Variants in SORCS2 observed in about 807,000 individuals in gnomAD.
The protein encoded by SORCS2 is sortilin related VPS10 domain containing receptor 2.
SORCS2 carries 100 observed loss-of-function variants against 141.6 expected under a neutral mutation model. The observed-to-expected ratio is 0.71, with a 90% CI of 0.60 to 0.83. SORCS2 has a LOEUF of 0.83. Ranked by LOEUF, SORCS2 falls within the 40% of genes least tolerant of loss-of-function variation. The pLI, the probability that SORCS2 is intolerant of heterozygous loss-of-function variation, is 0.00. For synonymous variants in SORCS2, 789 were observed against 676.9 expected (o/e 1.17, Z -2.57); for missense variants, 1,646 against 1,560.2 (o/e 1.05, Z -0.93).
At chr4:7,714,745 A>G (rs1490075596) in intron 16 of SORCS2, among the ~76,000 whole-genome samples, 1 of 152,136 alleles carries the variant, frequency 6.6e-6, no homozygotes, top group Non-Finnish European at 1.5e-5. Flanking sequence ...TATTCTCAAA[A>G]GCTGCCTGTG....
intron 2 of SORCS2, chr4:7,433,375 A>T: frequency 6.8e-7 from 1 of 1,470,542 alleles, no homozygotes; most frequent in Non-Finnish European, 9.0e-7. Context: ...GCAGTGTTGC[A>T]CAGCGTTGCA....
chr4:7,723,829 A>G lies in SORCS2; in HGVS notation c.2557A>G (p.Arg853Gly). ...ESPGIYRVSV[R>G]AENTAGHDEA... ...CCCCGGCATCTACCGCGTGTCCGTC[A>G]GGGCAGAGAACACGGCAGGCCACGA... The change falls in exon 19 of 27, where the codon AGG becomes GGG. Residue 853 changes from arginine to glycine, a missense_variant. Coordinates refer to ENST00000507866, the MANE Select transcript of SORCS2 (RefSeq NM_020777.3). The G allele has an allele frequency of 6.2e-7, 1 of 1,613,250 alleles. No individual in the cohort carries two copies. Among genetic ancestry groups the G allele is most frequent in the Non-Finnish European group, 8.5e-7 (1 of 1,179,880 alleles).
intron 2 of SORCS2, among the ~76,000 whole-genome samples, chr4:7,507,512 C>A (rs1272727393): frequency 1.3e-5 from 2 of 152,112 alleles, no homozygotes; most frequent in Admixed American, 6.5e-5. Flanking sequence ...GAATAAGTGT[C>A]TAAGAATAGA....
intron 23 of SORCS2, among the ~76,000 whole-genome samples, chr4:7,731,150 A>G (rs957728181): frequency 6.6e-6 from 1 of 152,242 alleles, no homozygotes; most frequent in Non-Finnish European, 1.5e-5. Context: ...CAAGAAAACA[A>G]TCCCACTAAC....
chr4:7,230,781 T>A (rs900989315), intron 1 of SORCS2, among the ~76,000 whole-genome samples: 19 of 124,962 alleles, frequency 1.5e-4, no homozygotes, highest in Non-Finnish European at 2.6e-4. Flanking sequence ...TCATGTATGA[T>A]GGAGATGAAG....
rs374293494 is a variant in SORCS2 at position 7,704,228 on chromosome 4, C to A, written c.1812C>A (p.Thr604=). The change falls in exon 14 of 27, where the codon ACC becomes ACA. Residue 604 remains threonine, a synonymous_variant. Coordinates refer to ENST00000507866, the MANE Select transcript of SORCS2 (RefSeq NM_020777.3). The part of the protein sequence containing the change: ...LTWSTHNFTS[T]SVFVDGLLSE... The stretch of plus-strand genomic sequence containing the variant: ...GGAGCACGCACAACTTCACCAGCAC[C>A]TCGGTGTTTGTGGACGGGCTGCTGA... 6.2e-7 allele frequency: 1 copy of A among 1,613,272 alleles called. No homozygotes were observed. Among genetic ancestry groups the A allele is most frequent in the Non-Finnish European group, 8.5e-7 (1 of 1,179,704 alleles).
intron 12 of SORCS2, among the ~76,000 whole-genome samples, chr4:7,700,305 C>G (rs1244055852): frequency 6.6e-6 from 1 of 152,228 alleles, no homozygotes; most frequent in African/African-American, 2.4e-5. Flanking sequence ...TGAAACTGGG[C>G]TCGAGGGTAA....
At chr4:7,305,151 C>G (rs1041163393) in intron 1 of SORCS2, among the ~76,000 whole-genome samples, 1 of 152,062 alleles carries the variant, frequency 6.6e-6, no homozygotes, top group Non-Finnish European at 1.5e-5. Flanking sequence ...CCTGCCTCAG[C>G]CTCCCGAGTA....
intron 26 of SORCS2, 55 bp downstream of exon 26, chr4:7,737,227 C>G: frequency 6.5e-7 from 1 of 1,546,618 alleles, no homozygotes; most frequent in Non-Finnish European, 8.7e-7. Context: ...AACGTCCGCC[C>G]CAAACCCACC....
chr4:7,700,487 G>A (rs1461221596), intron 12 of SORCS2, among the ~76,000 whole-genome samples: 3 of 152,172 alleles, frequency 2.0e-5, no homozygotes, highest in African/African-American at 7.2e-5. Flanking sequence ...GGGTCTGTCG[G>A]ATGGGTAGAT....
At chr4:7,426,403 C>T (rs1188469756) in intron 2 of SORCS2, among the ~76,000 whole-genome samples, 2 of 151,346 alleles carry the variant, frequency 1.3e-5, no homozygotes, top group African/African-American at 4.9e-5. Flanking sequence ...GAGGGTGGCC[C>T]CTGGGGGCCC....
At chr4:7,211,911 G>GT (rs942002976) in intron 1 of SORCS2, among the ~76,000 whole-genome samples, 19 of 152,152 alleles carry the variant, frequency 1.2e-4, no homozygotes, top group African/African-American at 4.3e-4. Flanking sequence ...CCATAGAAGT[G>GT]TTTTTTGTAG....
intron 3 of SORCS2, among the ~76,000 whole-genome samples, chr4:7,587,482 A>T (rs573454780): frequency 2.6e-5 from 4 of 152,332 alleles, no homozygotes; most frequent in Admixed American, 1.3e-4. Context: ...TTCTGCCAGG[A>T]GACTGTCATC....
chr4:7,287,996 C>T (rs1010148466), intron 1 of SORCS2, among the ~76,000 whole-genome samples: 9 of 152,188 alleles, frequency 5.9e-5, no homozygotes, highest in South Asian at 2.1e-4. Flanking sequence ...TGGGAGAGCC[C>T]GTTGCTGGCG....
chr4:7,483,212 A>G (rs1429459030), intron 2 of SORCS2, among the ~76,000 whole-genome samples: 1 of 151,450 alleles, frequency 6.6e-6, no homozygotes, highest in Non-Finnish European at 1.5e-5. Flanking sequence ...AGTCCCAGCT[A>G]CTCGGGAGGC....
chr4:7,339,716 G>A (rs1321469572), intron 1 of SORCS2, among the ~76,000 whole-genome samples: 1 of 152,210 alleles, frequency 6.6e-6, no homozygotes, highest in East Asian at 1.9e-4. Context: ...CGTAGGTCCT[G>A]GGGGTTAGGA....
At chr4:7,266,219 G>A (rs909596549) in intron 1 of SORCS2, among the ~76,000 whole-genome samples, 3 of 152,192 alleles carry the variant, frequency 2.0e-5, no homozygotes, top group Admixed American at 1.3e-4. Context: ...GGCTGTGCAG[G>A]CCAGCGGGTG....
intron 1 of SORCS2, among the ~76,000 whole-genome samples, chr4:7,290,884 C>G (rs112109022): frequency 6.4e-4 from 97 of 152,154 alleles, no homozygotes; most frequent in African/African-American, 1.8e-3. Flanking sequence ...AGGAATGGAG[C>G]AGACATAGTC....
intron 1 of SORCS2, among the ~76,000 whole-genome samples, chr4:7,360,804 C>T (rs542811517): frequency 7.2e-5 from 11 of 151,778 alleles, no homozygotes; most frequent in African/African-American, 9.7e-5. Flanking sequence ...AGCCTGGTCT[C>T]GAACTCCTGA....
Sources: gnomAD v4.1 joint callset for allele counts (sites outside exome capture counted in the v4.1 genomes callset) on GRCh38, gnomAD v4.1.1 for gene constraint, MANE v1.5 for transcripts, NCBI Gene and HGNC (gene_info 2026-07-23, HGNC 2026-07-21) for gene names.